The following SLC25A42 variants were observed in gnomAD, a reference collection of about 807,000 sequenced individuals.
The protein encoded by SLC25A42 is mitochondrial coenzyme A transporter SLC25A42.
SLC25A42 carries 19 observed loss-of-function variants against 34.7 expected under a neutral mutation model. The ratio of observed to expected loss-of-function variants is 0.55; its 90% CI spans 0.38 to 0.80. The LOEUF is 0.80. Ranked by LOEUF, SLC25A42 falls within the 30% of genes least tolerant of loss-of-function variation. The pLI is 0.00. For missense variants in SLC25A42, 364 were observed against 441.3 expected (o/e 0.82, Z 1.57); for synonymous variants, 205 against 191.2 (o/e 1.07, Z -0.59).
At chr19:19,095,216 A>AAC (rs1019332328) in intron 1 of SLC25A42, among the ~76,000 whole-genome samples, 3 of 6,968 alleles carry the variant, frequency 4.3e-4, no homozygotes, top group Non-Finnish European at 9.2e-4. Context: ...AAACAAAAAC[A>AAC]AAAAAAAACA....
At chr19:19,065,112 A>T (rs2059594619) in intron 1 of SLC25A42, among the ~76,000 whole-genome samples, 1 of 152,120 alleles carries the variant, frequency 6.6e-6, no homozygotes, top group South Asian at 2.1e-4. Context: ...AGGAGTCGTG[A>T]CTTTGACTGG....
intron 1 of SLC25A42, among the ~76,000 whole-genome samples, chr19:19,078,292 A>G (rs567722933): frequency 2.6e-5 from 4 of 152,288 alleles, no homozygotes; most frequent in South Asian, 4.1e-4. Flanking sequence ...ACAGCCTGCA[A>G]TGGCCCACTT....
chr19:19,076,629 G>A (rs911674801), intron 1 of SLC25A42, among the ~76,000 whole-genome samples: 1 of 152,234 alleles, frequency 6.6e-6, no homozygotes, highest in Admixed American at 6.5e-5. Context: ...TGGCCTGGGA[G>A]GGGGTGTGGC....
At chr19:19,083,556 C>T (rs1270419915) in intron 1 of SLC25A42, among the ~76,000 whole-genome samples, 1 of 152,226 alleles carries the variant, frequency 6.6e-6, no homozygotes, top group Non-Finnish European at 1.5e-5. Flanking sequence ...CTGCCCTGCC[C>T]AGCAGCGTCA....
chr19:19,097,665 T>A (rs1481946201), intron 2 of SLC25A42, among the ~76,000 whole-genome samples: 1 of 152,154 alleles, frequency 6.6e-6, no homozygotes, highest in Non-Finnish European at 1.5e-5. Flanking sequence ...TTTTCTTTGG[T>A]TAAGAAGCTG....
chr19:19,099,634 T>C lies in SLC25A42; in HGVS notation c.82-2147T>C, dbSNP rs1436464518. 1.3e-5 allele frequency among the ~76,000 whole-genome samples: 2 copies of C among 152,224 alleles called. 1 individual carries two copies. Among genetic ancestry groups the C allele is most frequent in the East Asian group, 3.9e-4 (2 of 5,172 alleles). ...TGCTCAGTCTGACTCCGGTTGCCTG[T>C]TACACCTGAGTAGTGCGCCACATCC... On this transcript the variant is annotated intron_variant, in intron 2 of 7. Transcript: ENST00000318596.
chr19:19,097,871 G>A (rs1227491231), intron 2 of SLC25A42, among the ~76,000 whole-genome samples: 1 of 151,960 alleles, frequency 6.6e-6, no homozygotes, highest in Non-Finnish European at 1.5e-5. Flanking sequence ...GTTGAAGTGG[G>A]AGAATCGCTT....
At chr19:19,076,755 A>G (rs1233996838) in intron 1 of SLC25A42, among the ~76,000 whole-genome samples, 3 of 152,204 alleles carry the variant, frequency 2.0e-5, no homozygotes, top group African/African-American at 7.2e-5. Context: ...GTATATATGC[A>G]TCCTTGGAAC....
At chr19:19,101,228 G>A (rs1350567734) in intron 2 of SLC25A42, among the ~76,000 whole-genome samples, 1 of 152,144 alleles carries the variant, frequency 6.6e-6, no homozygotes, top group Non-Finnish European at 1.5e-5. Flanking sequence ...AGCAGTCAAC[G>A]CAGGTTGGCA....
intron 3 of SLC25A42, 112 bp from the exon 4 acceptor site, chr19:19,104,801 A>AT (rs199899047): frequency 9.1e-7 from 1 of 1,093,728 alleles, no homozygotes; most frequent in Non-Finnish European, 1.3e-6. Flanking sequence ...CTGGGACAAG[A>AT]TTGGGGGGAA....
At chr19:19,085,207 G>A (rs556789041) in intron 1 of SLC25A42, among the ~76,000 whole-genome samples, 1 of 152,172 alleles carries the variant, frequency 6.6e-6, no homozygotes, top group East Asian at 1.9e-4. Flanking sequence ...GGCAGTGATT[G>A]TCACCATTGT....
At position 19,070,991 on chromosome 19, in the gene SLC25A42, C is replaced by CTTTTTTTTTTTTTTT. The variant is rs35787720; in HGVS notation, c.-35+6881_-35+6895dup. The stretch of plus-strand genomic sequence containing the variant: ...GACCTGACTAGTGAATGCATACCGT[C>CTTTTTTTTTTTTTTT]TTTTTTTTTTTTTTTTTTTAATACA... On this transcript the variant is annotated intron_variant, in intron 1 of 7. Transcript: ENST00000318596. Among the ~76,000 whole-genome samples the CTTTTTTTTTTTTTTT allele has an allele frequency of 5.4e-4, 63 of 117,204 alleles. 2 individuals are homozygous for CTTTTTTTTTTTTTTT. Among genetic ancestry groups the CTTTTTTTTTTTTTTT allele is most frequent in the African/African-American group, 2.1e-3 (62 of 28,854 alleles). The allele number at this position is 117,204 out of a possible 152,430, so 76.9% of individuals were successfully genotyped here.
Position 19,067,811 on chromosome 19 carries a change from C to G in SLC25A42, c.-35+3696C>G, listed in dbSNP as rs544299159. Among the ~76,000 whole-genome samples, 79 of 151,836 alleles carry G rather than the reference C, an allele frequency of 5.2e-4. 2 individuals carry two copies. Among genetic ancestry groups the G allele is most frequent in the African/African-American group, 1.8e-3 (76 of 41,358 alleles). The stretch of plus-strand genomic sequence containing the variant: ...TCAGATGTTAAATCTGTCTGGGAAG[C>G]TGTTTCGAGACTCTCTCCAATTGTC... On this transcript the variant is annotated intron_variant, in intron 1 of 7. Coordinates refer to ENST00000318596, the MANE Select transcript of SLC25A42 (RefSeq NM_178526.5).
chr19:19,075,601 T>C (rs1160490075), intron 1 of SLC25A42, among the ~76,000 whole-genome samples: 1 of 152,158 alleles, frequency 6.6e-6, no homozygotes, highest in Non-Finnish European at 1.5e-5. Flanking sequence ...GTAAATACTA[T>C]GTGGGGCTGG....
chr19:19,064,305 G>A (rs903888126), intron 1 of SLC25A42, among the ~76,000 whole-genome samples, 190 bp downstream of exon 1: 5 of 148,976 alleles, frequency 3.4e-5, no homozygotes, highest in African/African-American at 1.0e-4. Context: ...CTGACACCAC[G>A]TCCCTTTTCG....
intron 5 of SLC25A42, 81 bp from the exon 6 acceptor site, chr19:19,106,188 C>T: frequency 8.3e-7 from 1 of 1,206,580 alleles, no homozygotes. Context: ...CCAGCAGAGA[C>T]GTGCGGGTGC....
At chr19:19,067,385 C>T (rs1251519183) in intron 1 of SLC25A42, among the ~76,000 whole-genome samples, 1 of 151,810 alleles carries the variant, frequency 6.6e-6, no homozygotes, top group Admixed American at 6.6e-5. Flanking sequence ...AGTTTCAGAC[C>T]AGCTCGGGCA....
chr19:19,108,650 C>G (rs2059847086), intron 7 of SLC25A42, among the ~76,000 whole-genome samples: 1 of 152,048 alleles, frequency 6.6e-6, no homozygotes, highest in African/African-American at 2.4e-5. Context: ...TGGGTAAAAC[C>G]CAGATGGAAA....
intron 1 of SLC25A42, among the ~76,000 whole-genome samples, chr19:19,095,328 A>G (rs1294442377): frequency 1.3e-5 from 2 of 151,808 alleles, no homozygotes; most frequent in Non-Finnish European, 2.9e-5. Flanking sequence ...GGGGAAAAAA[A>G]AAAGGCCAGG....
Sources: allele counts gnomAD v4.1 joint callset (sites outside exome capture counted in the v4.1 genomes callset), GRCh38; gene constraint gnomAD v4.1.1; transcripts MANE v1.5; gene names NCBI Gene and HGNC (gene_info 2026-07-23, HGNC 2026-07-21).